Variants in NRXN1 observed in about 807,000 individuals in gnomAD.
NRXN1 encodes the protein neurexin-1.
Under a neutral mutation model 150.9 loss-of-function variants are expected in NRXN1, and 39 were observed. The ratio of observed to expected loss-of-function variants is 0.26; its 90% CI spans 0.20 to 0.34. The LOEUF is 0.34. Among genes scored for constraint, NRXN1 ranks in the 10% least tolerant of loss-of-function variants. The probability of loss-of-function intolerance (pLI) is 1.00; values close to 1 mark genes in which losing one functional copy is unlikely to be tolerated. For missense variants in NRXN1, 1,815 were observed against 1,949.9 expected, an observed-to-expected ratio of 0.93 and a Z score of 1.30; for synonymous variants, 924 against 757.0, an observed-to-expected ratio of 1.22 and a Z score of -3.62.
intron 5 of NRXN1, among the ~76,000 whole-genome samples, chr2:50,754,047 T>C (rs890978008): frequency 4.0e-5 from 6 of 151,438 alleles, no homozygotes; most frequent in African/African-American, 1.5e-4. Context: ...CATATGGCTC[T>C]GCCAAAAATA....
intron 5 of NRXN1, among the ~76,000 whole-genome samples, chr2:50,743,845 C>T (rs1188583622): frequency 6.6e-6 from 1 of 152,128 alleles, no homozygotes; most frequent in Non-Finnish European, 1.5e-5. Flanking sequence ...TTTGATCACA[C>T]ATTTCTGAAT....
At chr2:50,803,878 G>A (rs1167505227) in intron 5 of NRXN1, among the ~76,000 whole-genome samples, 1 of 152,126 alleles carries the variant, frequency 6.6e-6, no homozygotes, top group Non-Finnish European at 1.5e-5. Flanking sequence ...CCCAGGCTTT[G>A]ATAGTTTGTT....
intron 22 of NRXN1, among the ~76,000 whole-genome samples, chr2:49,931,027 G>A (rs559660052): frequency 1.3e-5 from 2 of 152,290 alleles, no homozygotes; most frequent in African/African-American, 2.4e-5. Context: ...CTAGCTACTC[G>A]AGTCCGAGGT....
intron 17 of NRXN1, among the ~76,000 whole-genome samples, chr2:50,308,930 T>G (rs1402168): frequency 0.14 from 21,766 of 152,160 alleles, 1,721 homozygotes; most frequent in African/African-American, 0.21. Flanking sequence ...TTGATAATCG[T>G]TAAGGTTTTG....
At chr2:49,926,235 C>G (rs1009970390) in intron 22 of NRXN1, 1 of 397,284 alleles carries the variant, frequency 2.5e-6, no homozygotes, top group African/African-American at 2.1e-5. Context: ...ATTCATTTAG[C>G]CAAATGGCTA....
intron 15 of NRXN1, among the ~76,000 whole-genome samples, chr2:50,480,397 G>C (rs563778885): frequency 2.0e-5 from 3 of 152,078 alleles, no homozygotes; most frequent in Non-Finnish European, 4.4e-5. Context: ...GCTCTATGCT[G>C]CTCCATATAC....
intron 17 of NRXN1, among the ~76,000 whole-genome samples, chr2:50,409,315 C>T (rs2082980562): frequency 6.6e-6 from 1 of 152,164 alleles, no homozygotes; most frequent in South Asian, 2.1e-4. Context: ...AACTGTTCAA[C>T]CTCCTTTACT....
At chr2:50,480,260 A>C (rs930207469) in intron 15 of NRXN1, among the ~76,000 whole-genome samples, 1 of 152,192 alleles carries the variant, frequency 6.6e-6, no homozygotes, top group Non-Finnish European at 1.5e-5. Flanking sequence ...GTGTAGAAAC[A>C]GTTTGGAGTA....
intron 9 of NRXN1, among the ~76,000 whole-genome samples, chr2:50,541,611 T>G (rs2093390534): frequency 6.6e-6 from 1 of 152,086 alleles, no homozygotes; most frequent in South Asian, 2.1e-4. Context: ...TTACTACAAA[T>G]TTATCATTAG....
At chr2:50,536,773 C>A (rs1026771940) in intron 10 of NRXN1, among the ~76,000 whole-genome samples, 11 of 152,062 alleles carry the variant, frequency 7.2e-5, no homozygotes, top group Admixed American at 6.5e-5. Flanking sequence ...AAAAACAAAA[C>A]TAAACAAACA....
intron 21 of NRXN1, among the ~76,000 whole-genome samples, chr2:50,005,160 A>G (rs532227124): frequency 6.6e-6 from 1 of 152,300 alleles, no homozygotes; most frequent in South Asian, 2.1e-4. Context: ...GAAATTACCA[A>G]CCAATAGATC....
intron 5 of NRXN1, among the ~76,000 whole-genome samples, chr2:50,695,022 C>A (rs1462285631): frequency 6.6e-6 from 1 of 152,078 alleles, no homozygotes; most frequent in Admixed American, 6.6e-5. Context: ...CAGCTGGATT[C>A]TCTGCAGCCA....
At chr2:50,575,647 A>G (rs1239012267) in intron 8 of NRXN1, among the ~76,000 whole-genome samples, 1 of 152,196 alleles carries the variant, frequency 6.6e-6, no homozygotes, top group Non-Finnish European at 1.5e-5. Flanking sequence ...AGTTTCTCTT[A>G]TTATATATAT....
In NRXN1 at chr2:49,921,649, C is replaced by T. The variant is rs544583881; in HGVS notation, c.*295G>A. On this transcript the variant is annotated 3_prime_UTR_variant, in exon 23 of 23. Coordinates refer to ENST00000401669, the MANE Select transcript of NRXN1 (RefSeq NM_001330078.2). ...TACTCCTTTGCTTTATGAATGCGTG[C>T]GGTCATCACTGTCTTTTAGAAATGT... 13 of 370,952 alleles carry T rather than the reference C, an allele frequency of 3.5e-5. No individual in the cohort carries two copies. The highest frequency in any genetic ancestry group is 2.1e-4 in the African/African-American group (10 of 47,776). The allele number at this position is 370,952 out of a possible 1,614,324, so 23.0% of individuals were successfully genotyped here. A position where few individuals can be genotyped will look rare whatever the true frequency, so the allele number is the denominator to read the frequency against.
chr2:49,971,482 T>A (rs1677951483), intron 21 of NRXN1, among the ~76,000 whole-genome samples: 1 of 152,196 alleles, frequency 6.6e-6, no homozygotes, highest in Non-Finnish European at 1.5e-5. Flanking sequence ...AGGACTCTTG[T>A]AGTTTCATTC....
At chr2:50,699,762 C>G (rs543438046) in intron 5 of NRXN1, among the ~76,000 whole-genome samples, 1 of 151,940 alleles carries the variant, frequency 6.6e-6, no homozygotes, top group Non-Finnish European at 1.5e-5. Context: ...GAGGACCTAC[C>G]CTAGACACAT....
chr2:50,475,657 G>A (rs1050000967), intron 15 of NRXN1, among the ~76,000 whole-genome samples: 13 of 151,916 alleles, frequency 8.6e-5, no homozygotes, highest in African/African-American at 3.1e-4. Flanking sequence ...TTTATAAATA[G>A]GGGACTCATT....
intron 21 of NRXN1, among the ~76,000 whole-genome samples, chr2:50,034,618 C>G (rs1689729927): frequency 6.6e-6 from 1 of 151,944 alleles, no homozygotes; most frequent in South Asian, 2.1e-4. Context: ...ATATAACAAA[C>G]CTGCACATGT....
chr2:50,363,551 A>C (rs916310246), intron 17 of NRXN1, among the ~76,000 whole-genome samples: 2 of 152,240 alleles, frequency 1.3e-5, no homozygotes, highest in Non-Finnish European at 2.9e-5. Context: ...ATACCATCTC[A>C]CGCCAGTTAG....
Sources: gnomAD v4.1 joint callset for allele counts (sites outside exome capture counted in the v4.1 genomes callset) on GRCh38, gnomAD v4.1.1 for gene constraint, MANE v1.5 for transcripts, NCBI Gene and HGNC (gene_info 2026-07-23, HGNC 2026-07-21) for gene names.